The following PVALB variants were observed in gnomAD, a reference collection of about 807,000 sequenced individuals.
The protein encoded by PVALB is parvalbumin alpha.
In PVALB, 11 loss-of-function variants were observed where a neutral mutation model predicts 10.9. The ratio of observed to expected loss-of-function variants is 1.01; its 90% CI spans 0.63 to 1.67. The LOEUF is 1.67. Ranked by LOEUF, PVALB falls within the 40% of genes most tolerant of loss-of-function variation. The pLI is 0.00. For synonymous variants in PVALB, 57 were observed against 50.7 expected (o/e 1.12, Z -0.53); for missense variants, 131 against 136.2 (o/e 0.96, Z 0.19).
chr22:36,815,261 C>T, intron 1 of PVALB, 26 bp from the exon 2 acceptor site: 8 of 1,613,874 alleles, frequency 5.0e-6, no homozygotes, highest in Non-Finnish European at 6.8e-6. Context: ...CAGGGTCAAA[C>T]AAGGACCAGA....
intron 3 of PVALB, 114 bp from the exon 4 acceptor site, chr22:36,801,032 C>A (rs2145943408): frequency 1.0e-6 from 1 of 965,918 alleles, no homozygotes; most frequent in Non-Finnish European, 1.6e-6. Flanking sequence ...GCTTCTGCTG[C>A]AGCAGCCCCA....
upstream of PVALB, among the ~76,000 whole-genome samples, chr22:36,817,986 C>G (rs1016420994): frequency 2.0e-5 from 3 of 152,126 alleles, no homozygotes; most frequent in Non-Finnish European, 4.4e-5. Flanking sequence ...CTGAACTTCA[C>G]CTCTGGAAAA....
At chr22:36,810,647 CT>C (rs1939031828) in intron 3 of PVALB, among the ~76,000 whole-genome samples, 1 of 152,238 alleles carries the variant, frequency 6.6e-6, no homozygotes, top group Non-Finnish European at 1.5e-5. Context: ...GCTGCCCTTT[CT>C]ACATCTGCAC....
intron 2 of PVALB, among the ~76,000 whole-genome samples, chr22:36,814,842 TC>T (rs1163301595): frequency 1.3e-5 from 2 of 152,182 alleles, no homozygotes; most frequent in African/African-American, 4.8e-5. Flanking sequence ...GTAGCAACAT[TC>T]CATTAGCAAT....
intron 2 of PVALB, 34 bp downstream of exon 2, chr22:36,815,069 G>A (rs769204085): frequency 5.0e-6 from 8 of 1,612,380 alleles, no homozygotes; most frequent in East Asian, 2.2e-5. Flanking sequence ...TCGTGCAGCC[G>A]TGGGCTGGGC....
intron 3 of PVALB, 141 bp downstream of exon 3, chr22:36,813,504 TG>T: frequency 1.5e-6 from 1 of 677,262 alleles, no homozygotes; most frequent in Non-Finnish European, 2.7e-6. Flanking sequence ...TCAGACCTAA[TG>T]GACTGCTTTT....
chr22:36,809,805 G>A (rs1939017509), intron 3 of PVALB, among the ~76,000 whole-genome samples: 1 of 151,572 alleles, frequency 6.6e-6, no homozygotes, highest in Non-Finnish European at 1.5e-5. Flanking sequence ...TGAAATCCCG[G>A]GGCTGGAACG....
upstream of PVALB, chr22:36,817,179 C>T (rs1033412579): frequency 1.2e-5 from 6 of 500,900 alleles, no homozygotes; most frequent in African/African-American, 2.0e-5. Context: ...CTCAGTCCAG[C>T]CGCGCCGCTG....
chr22:36,814,967 C>A (rs1359153785), intron 2 of PVALB, 136 bp downstream of exon 2: 2 of 1,190,090 alleles, frequency 1.7e-6, no homozygotes, highest in African/African-American at 3.1e-5. Context: ...CGGAGCCCTG[C>A]CTTCACGCAC....
chr22:36,804,022 C>T (rs1194011859), intron 3 of PVALB, among the ~76,000 whole-genome samples: 1 of 152,198 alleles, frequency 6.6e-6, no homozygotes, highest in Non-Finnish European at 1.5e-5. Flanking sequence ...CCAGCACTGG[C>T]ATTCCCTGTT....
chr22:36,812,033 C>A lies in PVALB; in HGVS notation c.304+1613G>T, dbSNP rs193099783. Among the ~76,000 whole-genome samples the A allele has an allele frequency of 5.7e-3, 869 of 151,932 alleles. 3 individuals are homozygous for A. Among genetic ancestry groups the A allele is most frequent in the African/African-American group, 0.016 (657 of 41,428 alleles). ...GAAAAGAAATCAACAACAACAACAACAAAAAAAACCCTCTAACTCATAGGC... is the reference window on the plus strand; with the variant it reads ...GAAAAGAAATCAACAACAACAACAAAAAAAAAAACCCTCTAACTCATAGGC... On this transcript the variant is annotated intron_variant, in intron 3 of 3. Coordinates refer to ENST00000417718, the MANE Select transcript of PVALB (RefSeq NM_001315532.2).
intron 3 of PVALB, among the ~76,000 whole-genome samples, chr22:36,810,572 T>C (rs539827468): frequency 2.0e-5 from 3 of 152,174 alleles, no homozygotes; most frequent in Non-Finnish European, 4.4e-5. Context: ...GCCTGGACCA[T>C]GCTGTTGGGT....
chr22:36,802,120 A>G (rs908156197), intron 3 of PVALB, among the ~76,000 whole-genome samples: 19 of 152,226 alleles, frequency 1.2e-4, no homozygotes, highest in African/African-American at 4.3e-4. Flanking sequence ...CCACCTATCC[A>G]GTTTCTTAGT....
intron 2 of PVALB, among the ~76,000 whole-genome samples, chr22:36,814,070 G>A (rs999245540): frequency 6.6e-6 from 1 of 152,328 alleles, no homozygotes; most frequent in South Asian, 2.1e-4. Flanking sequence ...ATGCTGGAAA[G>A]TGGGGTCACA....
intron 1 of PVALB, 70 bp from the exon 2 acceptor site, chr22:36,815,305 C>A (rs1417983477): frequency 6.3e-7 from 1 of 1,580,998 alleles, no homozygotes; most frequent in Non-Finnish European, 8.7e-7. Flanking sequence ...GAATGGGGGG[C>A]ATCAAGGCAT....
intron 3 of PVALB, among the ~76,000 whole-genome samples, chr22:36,808,052 C>A (rs1162175502): frequency 6.6e-6 from 1 of 152,204 alleles, no homozygotes; most frequent in Non-Finnish European, 1.5e-5. Flanking sequence ...GAATGGGTTT[C>A]AGGAAGAATG....
rs1555910493 is a variant in PVALB at position 36,802,623 on chromosome 22, A to AAAAAAAG, written c.305-1706_305-1705insCTTTTTT. On this transcript the variant is annotated intron_variant, in intron 3 of 3. Coordinates refer to ENST00000417718, the MANE Select transcript of PVALB (RefSeq NM_001315532.2). ...TCACACAAAAAAAAAAAAAAAAAAA[A>AAAAAAAG]AAAGAAAGAAACAACCTGGCACTGG... 7.4e-4 allele frequency among the ~76,000 whole-genome samples: 88 copies of AAAAAAAG among 119,026 alleles called. 1 individual carries two copies. Among genetic ancestry groups the AAAAAAAG allele is most frequent in the African/African-American group, 2.0e-3 (54 of 26,562 alleles). The allele number at this position is 119,026 out of a possible 152,430, so 78.1% of individuals were successfully genotyped here. A position where few individuals can be genotyped will look rare whatever the true frequency, so the allele number is the denominator to read the frequency against.
chr22:36,815,811 G>C (rs1939130319), intron 1 of PVALB, among the ~76,000 whole-genome samples: 1 of 152,112 alleles, frequency 6.6e-6, no homozygotes, highest in South Asian at 2.1e-4. Context: ...GGAAGGGGGT[G>C]TTAGGAGGCT....
At chr22:36,809,035 C>T (rs1050231812) in intron 3 of PVALB, among the ~76,000 whole-genome samples, 4 of 152,170 alleles carry the variant, frequency 2.6e-5, no homozygotes, top group Non-Finnish European at 5.9e-5. Flanking sequence ...CCTACCCCCT[C>T]CCTTCAATAC....
Sources: gnomAD v4.1 joint callset for allele counts (sites outside exome capture counted in the v4.1 genomes callset) on GRCh38, gnomAD v4.1.1 for gene constraint, MANE v1.5 for transcripts, NCBI Gene and HGNC (gene_info 2026-07-23, HGNC 2026-07-21) for gene names.